Variants in PLOD1 observed in about 807,000 individuals in gnomAD.
PLOD1 encodes the protein lysine hydroxylase.
A neutral mutation model predicts 94.7 loss-of-function variants in PLOD1; 70 were observed. That is an observed-to-expected ratio of 0.74 (90% CI 0.61 to 0.90). The LOEUF (loss-of-function observed/expected upper bound fraction) is 0.90, where lower values mean the gene tolerates loss of function less well. Ranked by LOEUF, PLOD1 falls within the 40% of genes least tolerant of loss-of-function variation. The pLI, the probability that PLOD1 is intolerant of heterozygous loss-of-function variation, is 0.00. For synonymous variants in PLOD1, 417 were observed against 400.2 expected (o/e 1.04, Z -0.50); for missense variants, 905 against 972.7 (o/e 0.93, Z 0.93).
At chr1:11,966,119 C>A in intron 14 of PLOD1, 132 bp from the exon 15 acceptor site, 1 of 728,956 alleles carries the variant, frequency 1.4e-6, no homozygotes, top group Non-Finnish European at 2.5e-6. Flanking sequence ...CACACGCACC[C>A]AGTGGGTGCA....
intron 1 of PLOD1, among the ~76,000 whole-genome samples, chr1:11,937,778 C>T (rs1645589796): frequency 6.6e-6 from 1 of 152,084 alleles, no homozygotes; most frequent in Non-Finnish European, 1.5e-5. Flanking sequence ...TGAGGTAACC[C>T]AGGTAGAGCA....
chr1:11,965,836 C>T (rs1049456369), intron 14 of PLOD1, among the ~76,000 whole-genome samples: 2 of 152,182 alleles, frequency 1.3e-5, no homozygotes, highest in Non-Finnish European at 2.9e-5. Flanking sequence ...TGGCCTAGAT[C>T]TGCCATCATC....
chr1:11,939,506 G>A (rs1396672699), intron 1 of PLOD1, among the ~76,000 whole-genome samples: 1 of 152,172 alleles, frequency 6.6e-6, no homozygotes, highest in Non-Finnish European at 1.5e-5. Context: ...GGGGCATCCG[G>A]TGGCACAGTC....
intron 16 of PLOD1, among the ~76,000 whole-genome samples, chr1:11,968,067 C>T (rs1645834212): frequency 6.6e-6 from 1 of 151,610 alleles, no homozygotes; most frequent in Non-Finnish European, 1.5e-5. Flanking sequence ...AGTTTTCTTG[C>T]CTCAGCCTCT....
chr1:11,935,791 A>C lies in PLOD1; in HGVS notation c.76+936A>C, dbSNP rs867205933. Among the ~76,000 whole-genome samples the C allele has an allele frequency of 2.6e-5, 4 of 152,096 alleles. 1 individual carries two copies. In the Middle Eastern group the frequency reaches 0.01, roughly 388 times the overall value. ...AGGCACGTGCCACCATGCCTAGCTA[A>C]TTTTTGTATTTTTAGTTGAGATGGG... On this transcript the variant is annotated intron_variant, in intron 1 of 18. Transcript: ENST00000196061.
chr1:11,957,823 C>T lies in PLOD1; in HGVS notation c.742-19C>T. 1 of 1,589,034 alleles carries T rather than the reference C, an allele frequency of 6.3e-7. No homozygotes were observed. The highest frequency in any genetic ancestry group is 2.2e-5 in the East Asian group (1 of 44,724). ...GTGGGGCTGGCTGGCTTCTCTGTGA[C>T]CCCACGTCTCCCCGACAGCTGCAGT... is the stretch of plus-strand genomic sequence containing the variant. On this transcript the variant is annotated intron_variant, in intron 7 of 18. Coordinates refer to ENST00000196061, the MANE Select transcript of PLOD1 (RefSeq NM_000302.4). The surrounding 1 kb of genome is among the most constrained non-coding windows in gnomAD (Gnocchi z 4.1).
chr1:11,956,191 C>T (rs558391551), intron 6 of PLOD1, among the ~76,000 whole-genome samples: 372 of 152,138 alleles, frequency 2.4e-3, no homozygotes, highest in Non-Finnish European at 3.5e-3. Flanking sequence ...CAAGACCAGC[C>T]TGACCAACAT....
intron 10 of PLOD1, among the ~76,000 whole-genome samples, chr1:11,961,124 C>G (rs1232105151): frequency 6.6e-6 from 1 of 152,066 alleles, no homozygotes; most frequent in Non-Finnish European, 1.5e-5. Context: ...TGGCTCATGC[C>G]TGTAATCCCT....
At chr1:11,964,330 G>GGGGGGGC in intron 12 of PLOD1, 30 bp downstream of exon 12, 1 of 1,424,848 alleles carries the variant, frequency 7.0e-7, no homozygotes, top group Non-Finnish European at 9.9e-7. Context: ...GGGTGGGTGG[G>GGGGGGGC]GGACACCTTC....
At position 11,974,797 on chromosome 1, in the gene PLOD1, G is replaced by T. The variant is rs151247380; in HGVS notation, c.2173G>T (p.Val725Phe). The change falls in exon 19 of 19, where the codon GTC (valine) becomes TTC (phenylalanine). Residue 725 changes from valine (V) to phenylalanine (F), a missense_variant. Transcript: ENST00000196061. ...RGTRYIAVSF[V>F]DP Reference sequence around the variant, plus strand: ...CACCCGCTACATCGCAGTCTCCTTCGTCGATCCCTAATTGGCCAGGCCTGA... The same window carrying T: ...CACCCGCTACATCGCAGTCTCCTTCTTCGATCCCTAATTGGCCAGGCCTGA... The T allele has an allele frequency of 6.2e-7, 1 of 1,614,140 alleles. No homozygotes were observed. The highest frequency in any genetic ancestry group is 1.3e-5 in the African/African-American group (1 of 75,042).
Position 11,958,770 on chromosome 1 carries a change from C to A in PLOD1, c.975+123C>A. 2 of 1,122,338 alleles carry A rather than the reference C, an allele frequency of 1.8e-6. No homozygotes were observed. Among genetic ancestry groups the A allele is most frequent in the Non-Finnish European group, 2.6e-6 (2 of 762,364 alleles). 69.5% of individuals were successfully genotyped at this position (1,122,338 alleles called of 1,614,324 possible). The stretch of plus-strand genomic sequence containing the variant: ...GCTTATCTGGGCCAAATGACAATCA[C>A]CAGTGGACTGTGTCCCCAAATCACT... On this transcript the variant is annotated intron_variant, in intron 9 of 18. Coordinates refer to ENST00000196061, the MANE Select transcript of PLOD1 (RefSeq NM_000302.4). The surrounding 1 kb of genome is among the most constrained non-coding windows in gnomAD (Gnocchi z 4.3).
At chr1:11,961,110 G>A (rs1645775348) in intron 10 of PLOD1, among the ~76,000 whole-genome samples, 1 of 152,066 alleles carries the variant, frequency 6.6e-6, no homozygotes, top group African/African-American at 2.4e-5. Context: ...AAGGCCGAGA[G>A]CAGTGGCTCA....
Position 11,958,516 on chromosome 1 carries a change from G to T in PLOD1, c.844G>T (p.Asp282Tyr). 6.2e-7 allele frequency: 1 copy of T among 1,613,666 alleles called. No homozygotes were observed. The highest frequency in any genetic ancestry group is 1.1e-5 in the South Asian group (1 of 91,002). The change falls in exon 9 of 19, where the codon GAT becomes TAT. Residue 282 changes from aspartate to tyrosine, a missense_variant and splice_region_variant. By Grantham distance (160) the Asp-to-Tyr change is radical (BLOSUM62 -3). Coordinates refer to ENST00000196061, the MANE Select transcript of PLOD1 (RefSeq NM_000302.4). The surrounding 1 kb of genome is among the most constrained non-coding windows in gnomAD (Gnocchi z 4.3). Reference protein sequence around the residue: ...EGLRSLKGIGDEALPTVLVGV... With the variant: ...EGLRSLKGIGYEALPTVLVGV... ...TCTTGTGCCGCCCTCCCTGGTGCAG[G>T]ATGAAGCTCTGCCCACGGTCCTGGT... is the stretch of plus-strand genomic sequence containing the variant.
At position 11,972,860 on chromosome 1, in the gene PLOD1, G is replaced by C. The variant is rs770679385; in HGVS notation, c.1903-12G>C. On this transcript the variant is annotated splice_polypyrimidine_tract_variant and intron_variant, in intron 17 of 18. Transcript: ENST00000196061. The surrounding 1 kb of genome is among the most constrained non-coding windows in gnomAD (Gnocchi z 4.6). ...CTAACACGGGCTCTCTTGTCCCCCT[G>C]CCTTGGTACAGGCCCAGTTTGACCT... 2 of 1,613,902 alleles carry C rather than the reference G, an allele frequency of 1.2e-6. No individual in the cohort carries two copies. Among genetic ancestry groups the C allele is most frequent in the Admixed American group, 1.7e-5 (1 of 59,996 alleles).
chr1:11,967,660 T>TATA (rs1557498548), intron 16 of PLOD1, among the ~76,000 whole-genome samples: 1 of 122,430 alleles, frequency 8.2e-6, no homozygotes, highest in Non-Finnish European at 1.7e-5. Flanking sequence ...ATATATATAT[T>TATA]TTTTTTAAAT....
Position 11,952,924 on chromosome 1 carries a change from G to C in PLOD1, c.579+189G>C, listed in dbSNP as rs78594556. Among the ~76,000 whole-genome samples, 603 of 152,318 alleles carry C rather than the reference G, an allele frequency of 4.0e-3. 8 individuals are homozygous for C. The highest frequency in any genetic ancestry group is 0.028 in the East Asian group (143 of 5,180). On this transcript the variant is annotated intron_variant, in intron 5 of 18. Transcript: ENST00000196061. Reference sequence around the variant, plus strand: ...GGATTTCTCATGGTTCTGGAGGCCGGAAGGGTGAGATCACAGTTGGGTTCT... The same window carrying C: ...GGATTTCTCATGGTTCTGGAGGCCGCAAGGGTGAGATCACAGTTGGGTTCT...
chr1:11,938,335 C>T (rs1184391266), intron 1 of PLOD1, among the ~76,000 whole-genome samples: 1 of 152,156 alleles, frequency 6.6e-6, no homozygotes, highest in East Asian at 1.9e-4. Context: ...CATCTGGTCT[C>T]TCATTGCCAG....
At chr1:11,953,053 T>G (rs748684869) in intron 5 of PLOD1, among the ~76,000 whole-genome samples, 3 of 152,102 alleles carry the variant, frequency 2.0e-5, no homozygotes, top group Admixed American at 6.6e-5. Flanking sequence ...ATAAGGACAC[T>G]AATCCTATTT....
rs1190928202 is a variant in PLOD1 at position 11,973,518 on chromosome 1, G to A, written c.2028+521G>A. ...CTGTCTCCAAAAAAAACAAAAAGAG[G>A]TTTTTTGAACTTAGCCCTGGGCTGG... is the stretch of plus-strand genomic sequence containing the variant. On this transcript the variant is annotated intron_variant, in intron 18 of 18. Transcript: ENST00000196061. 2.6e-5 allele frequency among the ~76,000 whole-genome samples: 4 copies of A among 151,932 alleles called. No homozygotes were observed. The East Asian group carries it at 7.7e-4, about 29-fold the overall frequency.
Sources: gnomAD v4.1 joint callset for allele counts (sites outside exome capture counted in the v4.1 genomes callset) on GRCh38, gnomAD v4.1.1 for gene constraint, Gnocchi (gnomAD v3.1) non-coding constraint, MANE v1.5 for transcripts, NCBI Gene and HGNC (gene_info 2026-07-23, HGNC 2026-07-21) for gene names.